DNMT1: variants seen among roughly 807,000 people sequenced by gnomAD.
DNMT1 encodes DNA (cytosine-5)-methyltransferase 1.
In DNMT1, 24 loss-of-function variants were observed where a neutral mutation model predicts 205.3. That is an observed-to-expected ratio of 0.12 (90% CI 0.08 to 0.16). The LOEUF is 0.16. DNMT1 is among the 10% of genes least tolerant of loss of function. DNMT1 has a pLI of 1.00. For synonymous variants in DNMT1, 817 were observed against 839.8 expected (o/e 0.97, Z 0.47); for missense variants, 1,293 against 2,177.7 (o/e 0.59, Z 8.09).
chr19:10,167,269 C>T (rs2038717954), intron 10 of DNMT1, among the ~76,000 whole-genome samples: 1 of 151,524 alleles, frequency 6.6e-6, no homozygotes, highest in South Asian at 2.1e-4. Flanking sequence ...GATCTCAGCT[C>T]ACTGCAACCA....
At chr19:10,188,387 A>G (rs2039235596) in intron 1 of DNMT1, among the ~76,000 whole-genome samples, 1 of 152,086 alleles carries the variant, frequency 6.6e-6, no homozygotes, top group Admixed American at 6.6e-5. Flanking sequence ...TAAAAATACA[A>G]AAATTAACCG....
At chr19:10,149,718 A>G in intron 25 of DNMT1, 61 bp from the exon 26 acceptor site, 2 of 1,611,578 alleles carry the variant, frequency 1.2e-6, no homozygotes, top group East Asian at 2.2e-5. Context: ...TATGTGACCA[A>G]GTCTATGCAG....
chr19:10,189,875 C>G (rs1430316330), intron 1 of DNMT1, among the ~76,000 whole-genome samples: 1 of 152,134 alleles, frequency 6.6e-6, no homozygotes, highest in Non-Finnish European at 1.5e-5. Flanking sequence ...GGGCTTTGGA[C>G]AGGTGCTGCT....
chr19:10,163,860 T>C (rs926962441), intron 11 of DNMT1, among the ~76,000 whole-genome samples: 2 of 152,148 alleles, frequency 1.3e-5, no homozygotes, highest in African/African-American at 4.8e-5. Flanking sequence ...CTGGGCAACA[T>C]GCTGAGACCC....
In DNMT1 at chr19:10,187,832, G is replaced by A. The variant is rs544628935; in HGVS notation, c.81-5755C>T. Among the ~76,000 whole-genome samples, 22 of 151,718 alleles carry A rather than the reference G, an allele frequency of 1.5e-4. No individual in the cohort carries two copies. The South Asian group carries it at 3.3e-3, about 23-fold the overall frequency. On this transcript the variant is annotated intron_variant, in intron 1 of 40. Transcript: ENST00000359526. ...AGCCTGAGCAACACAGCGAGACCCT[G>A]TCTCTACAAAAAATAGTAATTAGTA... is the stretch of plus-strand genomic sequence containing the variant.
At chr19:10,185,830 C>G (rs1378925936) in intron 1 of DNMT1, among the ~76,000 whole-genome samples, 1 of 148,206 alleles carries the variant, frequency 6.7e-6, no homozygotes, top group East Asian at 2.0e-4. Flanking sequence ...CAGAACAAGA[C>G]CCTGTCTCAA....
intron 6 of DNMT1, among the ~76,000 whole-genome samples, chr19:10,176,710 TAGCC>T (rs1568251266): frequency 6.6e-6 from 1 of 151,934 alleles, no homozygotes; most frequent in African/African-American, 2.4e-5. Flanking sequence ...ATACAAAAAT[TAGCC>T]AGGCGTGGCG....
chr19:10,154,416 C>T lies in DNMT1; in HGVS notation c.1896G>A (p.Thr632=), dbSNP rs202058239. ...HSTREKDRGP[T]KATTTKLVYQ... ...AGACCAGCTTGGTGGTGGTGGCTTT[C>T]GTGGGTCCCCTGTCCTTCTCCCTGG... The change falls in exon 22 of 41, where the codon ACG becomes ACA. Residue 632 remains threonine (T), a synonymous_variant. Transcript: ENST00000359526. The surrounding 1 kb of genome is among the most constrained non-coding windows in gnomAD (Gnocchi z 6.3). 284 of 1,614,104 alleles carry T rather than the reference C, an allele frequency of 1.8e-4. No homozygotes were observed. The highest frequency in any genetic ancestry group is 1.0e-4 in the Admixed American group (6 of 60,010).
chr19:10,163,355 C>G lies in DNMT1; in HGVS notation c.897G>C (p.Glu299Asp). Residue 299 changes from glutamate to aspartate, a missense_variant, in exon 12 of 41, where the codon GAG (glutamate) becomes GAC (aspartate). Coordinates refer to ENST00000359526, the MANE Select transcript of DNMT1 (RefSeq NM_001130823.3). ...DEDEDGDEKDEKKHRSQPKDL... is the reference protein window; with the variant it reads ...DEDEDGDEKDDKKHRSQPKDL... ...CTTTGGGTTGACTTCTGTGCTTCTT[C>G]TCATCCTGACAGAAAAATAAGGGGG... 6.2e-7 allele frequency: 1 copy of G among 1,613,898 alleles called. No individual in the cohort carries two copies. Among genetic ancestry groups the G allele is most frequent in the Non-Finnish European group, 8.5e-7 (1 of 1,179,950 alleles).
At chr19:10,175,117 AC>A (rs2038911910) in intron 7 of DNMT1, among the ~76,000 whole-genome samples, 1 of 140,184 alleles carries the variant, frequency 7.1e-6, no homozygotes, top group Non-Finnish European at 1.5e-5. Context: ...ACACACACAC[AC>A]ACACACACAC....
At chr19:10,165,628 A>G (rs1357929696) in intron 11 of DNMT1, among the ~76,000 whole-genome samples, 1 of 152,070 alleles carries the variant, frequency 6.6e-6, no homozygotes, top group Non-Finnish European at 1.5e-5. Context: ...CCTGACCTCA[A>G]GTGATCCACC....
chr19:10,133,695 AT>A lies in DNMT1; in HGVS notation c.4870del (p.Ile1624Ter). ...GTCCTTAGCAGCTTCCTCCTCCTTTATTTTAGCTGAAGGGAAATAAAAGGAA... is the reference window on the plus strand; with the variant it reads ...GTCCTTAGCAGCTTCCTCCTCCTTTATTTAGCTGAAGGGAAATAAAAGGAA... ...AKARESASAK[I>X]KEEEAAKD On this transcript the variant is annotated frameshift_variant, in exon 41 of 41. Coordinates refer to ENST00000359526, the MANE Select transcript of DNMT1 (RefSeq NM_001130823.3). LOFTEE classifies it high-confidence loss of function. This position sits in a 1 kb window ranked among gnomAD's most constrained non-coding sequence, Gnocchi z 4.1. 6.3e-7 allele frequency: 1 copy of A among 1,593,610 alleles called. No homozygotes were observed.
intron 1 of DNMT1, among the ~76,000 whole-genome samples, chr19:10,194,239 G>A (rs558755902): frequency 3.3e-5 from 5 of 152,336 alleles, no homozygotes; most frequent in Admixed American, 6.5e-5. Flanking sequence ...GACAGAATGA[G>A]TACCCCACGG....
At chr19:10,134,372 T>C in intron 39 of DNMT1, 65 bp from the exon 40 acceptor site, 1 of 1,470,070 alleles carries the variant, frequency 6.8e-7, no homozygotes, top group Non-Finnish European at 9.5e-7. Flanking sequence ...GGGGCAGGTG[T>C]ACTGCCAGCC....
chr19:10,138,136 G>T lies in DNMT1; in HGVS notation c.4116-127C>A. ...ATCACAGCACTGCCCGAGGTCACAT[G>T]GGTGGCAGTGTGCCTGGATGCCATC... On this transcript the variant is annotated intron_variant, in intron 35 of 40. Transcript: ENST00000359526. The surrounding 1 kb of genome is among the most constrained non-coding windows in gnomAD (Gnocchi z 4.1). 1.6e-6 allele frequency: 2 copies of T among 1,238,098 alleles called. No homozygotes were observed. Among genetic ancestry groups the T allele is most frequent in the Non-Finnish European group, 2.3e-6 (2 of 877,548 alleles). The allele number at this position is 1,238,098 out of a possible 1,614,324, so 76.7% of individuals were successfully genotyped here. A position where few individuals can be genotyped will look rare whatever the true frequency, so the allele number is the denominator to read the frequency against.
At chr19:10,192,486 G>C (rs1216701174) in intron 1 of DNMT1, among the ~76,000 whole-genome samples, 1 of 152,022 alleles carries the variant, frequency 6.6e-6, no homozygotes, top group African/African-American at 2.4e-5. Context: ...GGCAGGCTGG[G>C]CATGGTGGCT....
chr19:10,151,612 A>C lies in DNMT1; in HGVS notation c.2118-67T>G, dbSNP rs1423343868. On this transcript the variant is annotated intron_variant, in intron 23 of 40. Transcript: ENST00000359526. The surrounding 1 kb of genome is among the most constrained non-coding windows in gnomAD (Gnocchi z 5.0). ...AAGACCAACCGGGGCTGTTTTCTTC[A>C]TAACAGGGACAGGTCCTGAGACAAT... The C allele has an allele frequency of 6.2e-7, 1 of 1,611,260 alleles. No homozygotes were observed. Among genetic ancestry groups the C allele is most frequent in the Non-Finnish European group, 8.5e-7 (1 of 1,179,626 alleles).
In DNMT1 at chr19:10,160,383, C is replaced by T; in HGVS notation, c.1043+1G>A. 1 of 1,614,072 alleles carries T rather than the reference C, an allele frequency of 6.2e-7. No homozygotes were observed. Among genetic ancestry groups the T allele is most frequent in the Non-Finnish European group, 8.5e-7 (1 of 1,179,966 alleles). On this transcript the variant is annotated splice_donor_variant, in intron 14 of 40. Transcript: ENST00000359526. LOFTEE classifies it high-confidence loss of function. Reference sequence around the variant, plus strand: ...CGATAATGTCAAGAATAAATTCTTACGGTTCTTTGGGGGTCGTTTTGCGTC... The same window carrying T: ...CGATAATGTCAAGAATAAATTCTTATGGTTCTTTGGGGGTCGTTTTGCGTC...
At chr19:10,147,293 T>C (rs1026596011) in intron 27 of DNMT1, among the ~76,000 whole-genome samples, 55 of 121,280 alleles carry the variant, frequency 4.5e-4, no homozygotes, top group African/African-American at 1.7e-3. Context: ...AATAAATAAA[T>C]AAAAGAGGTT....
Sources: gnomAD v4.1 joint callset for allele counts (sites outside exome capture counted in the v4.1 genomes callset) on GRCh38, gnomAD v4.1.1 for gene constraint, Gnocchi (gnomAD v3.1) non-coding constraint, MANE v1.5 for transcripts, NCBI Gene and HGNC (gene_info 2026-07-23, HGNC 2026-07-21) for gene names.